Variants in CYP39A1 observed in about 807,000 individuals in gnomAD.
The protein encoded by CYP39A1 is 24-hydroxycholesterol 7-alpha-hydroxylase.
Under a neutral mutation model 58.1 loss-of-function variants are expected in CYP39A1, and 49 were observed. That is an observed-to-expected ratio of 0.84 (90% confidence interval 0.67 to 1.07). CYP39A1 has a LOEUF of 1.07. Among genes scored for constraint, CYP39A1 ranks in the 50% least tolerant of loss-of-function variants. The pLI, the probability that CYP39A1 is intolerant of heterozygous loss-of-function variation, is 0.00. For missense variants in CYP39A1, 531 were observed against 539.4 expected (o/e 0.98, Z 0.16); for synonymous variants, 209 against 187.6 (o/e 1.11, Z -0.93).
At chr6:46,584,631 TC>T (rs1772351376) in intron 10 of CYP39A1, among the ~76,000 whole-genome samples, 1 of 152,142 alleles carries the variant, frequency 6.6e-6, no homozygotes, top group Admixed American at 6.6e-5. Context: ...AACTCATACA[TC>T]AGGTATTAAG....
At chr6:46,576,552 TC>T (rs1771858495) in intron 10 of CYP39A1, among the ~76,000 whole-genome samples, 1 of 152,248 alleles carries the variant, frequency 6.6e-6, no homozygotes, top group East Asian at 1.9e-4. Context: ...GCAAGGAAGC[TC>T]ATCAAGATAT....
intron 10 of CYP39A1, among the ~76,000 whole-genome samples, chr6:46,575,651 A>G (rs1771808861): frequency 6.6e-6 from 1 of 152,190 alleles, no homozygotes; most frequent in African/African-American, 2.4e-5. Flanking sequence ...GCCCTGCCAG[A>G]GCACTTTTGC....
intron 10 of CYP39A1, among the ~76,000 whole-genome samples, chr6:46,585,848 A>C (rs1772445268): frequency 6.6e-6 from 1 of 152,104 alleles, no homozygotes; most frequent in African/African-American, 2.4e-5. Flanking sequence ...CTGCACCATC[A>C]TACAGCTTAT....
chr6:46,574,486 T>C (rs1771749851), intron 10 of CYP39A1, among the ~76,000 whole-genome samples: 2 of 152,168 alleles, frequency 1.3e-5, no homozygotes, highest in Admixed American at 1.3e-4. Flanking sequence ...AATTAGGTGA[T>C]GAGGAGATAA....
intron 2 of CYP39A1, among the ~76,000 whole-genome samples, chr6:46,641,711 A>C (rs1243463005): frequency 1.3e-5 from 2 of 152,208 alleles, no homozygotes. Flanking sequence ...CCCATTGACC[A>C]TAACAGCCCT....
intron 7 of CYP39A1, among the ~76,000 whole-genome samples, chr6:46,608,209 T>C (rs1293588483): frequency 6.6e-6 from 1 of 152,208 alleles, no homozygotes. Context: ...TTTTGGAAAA[T>C]ATATAGCATT....
chr6:46,635,848 C>A (rs1210874408), intron 5 of CYP39A1, among the ~76,000 whole-genome samples: 1 of 152,196 alleles, frequency 6.6e-6, no homozygotes, highest in Non-Finnish European at 1.5e-5. Context: ...CAGGCGTGAG[C>A]CACCATGCCT....
intron 10 of CYP39A1, among the ~76,000 whole-genome samples, chr6:46,573,920 C>G (rs1771721204): frequency 6.6e-6 from 1 of 152,128 alleles, no homozygotes; most frequent in South Asian, 2.1e-4. Flanking sequence ...TTCAATAATT[C>G]TTGAAAGAAA....
intron 10 of CYP39A1, among the ~76,000 whole-genome samples, chr6:46,562,827 T>C (rs1771056916): frequency 6.6e-6 from 1 of 152,096 alleles, no homozygotes; most frequent in Non-Finnish European, 1.5e-5. Flanking sequence ...CTATGTGATG[T>C]TCTTAAAAAT....
chr6:46,619,908 A>G (rs1774850934), intron 7 of CYP39A1, among the ~76,000 whole-genome samples: 1 of 152,140 alleles, frequency 6.6e-6, no homozygotes, highest in African/African-American at 2.4e-5. Flanking sequence ...GTTAATCCAC[A>G]TAAGCCTGGG....
At chr6:46,647,049 CCTTA>C (rs948259337) in intron 1 of CYP39A1, among the ~76,000 whole-genome samples, 4 of 151,438 alleles carry the variant, frequency 2.6e-5, no homozygotes, top group Non-Finnish European at 5.9e-5. Context: ...GATTTCTGTT[CCTTA>C]CTATTTCCTT....
intron 8 of CYP39A1, among the ~76,000 whole-genome samples, chr6:46,590,828 C>A (rs970830984): frequency 2.6e-5 from 4 of 152,126 alleles, no homozygotes; most frequent in South Asian, 2.1e-4. Flanking sequence ...AACTTCATAA[C>A]CTGTTTTCCC....
At chr6:46,598,371 C>T (rs570657315) in intron 7 of CYP39A1, among the ~76,000 whole-genome samples, 1 of 152,238 alleles carries the variant, frequency 6.6e-6, no homozygotes, top group African/African-American at 2.4e-5. Flanking sequence ...CAAACCAACC[C>T]TATTTTTAAT....
chr6:46,567,723 A>G (rs1690771676), intron 10 of CYP39A1, among the ~76,000 whole-genome samples: 1 of 152,156 alleles, frequency 6.6e-6, no homozygotes. Flanking sequence ...TTTGTTTGGA[A>G]TATATAAGGA....
chr6:46,650,484 CTTTTTTTTTTTTT>C (rs567314746), intron 1 of CYP39A1, among the ~76,000 whole-genome samples: 20 of 35,178 alleles, frequency 5.7e-4, no homozygotes, highest in East Asian at 2.9e-3. Flanking sequence ...CAGTCATATT[CTTTTTTTTTTTTT>C]TTTTTTTTTT....
intron 5 of CYP39A1, among the ~76,000 whole-genome samples, chr6:46,631,710 A>C (rs568598349): frequency 6.6e-6 from 1 of 152,294 alleles, no homozygotes; most frequent in South Asian, 2.1e-4. Context: ...TACAAATACC[A>C]CAATACTCTA....
At chr6:46,575,319 G>A (rs1771792985) in intron 10 of CYP39A1, among the ~76,000 whole-genome samples, 1 of 152,180 alleles carries the variant, frequency 6.6e-6, no homozygotes, top group Admixed American at 6.5e-5. Flanking sequence ...GGTGACTTTA[G>A]CCTTTGTTAG....
chr6:46,613,945 A>G (rs9472794), intron 7 of CYP39A1, among the ~76,000 whole-genome samples: 29,204 of 149,542 alleles, frequency 0.2, 3,173 homozygotes, highest in African/African-American at 0.28. Flanking sequence ...GAAGCAAAAA[A>G]AAAAAAACCC....
intron 10 of CYP39A1, among the ~76,000 whole-genome samples, chr6:46,577,893 A>G (rs1771924561): frequency 6.6e-6 from 1 of 152,162 alleles, no homozygotes; most frequent in South Asian, 2.1e-4. Context: ...TCTAACAAAT[A>G]TATTCAGAAC....
Sources: allele counts gnomAD v4.1 joint callset (sites outside exome capture counted in the v4.1 genomes callset), GRCh38; gene constraint gnomAD v4.1.1; transcripts MANE v1.5; gene names NCBI Gene and HGNC (gene_info 2026-07-23, HGNC 2026-07-21).